WDR44: variants seen among roughly 807,000 people sequenced by gnomAD.
WDR44 encodes the protein WD repeat-containing protein 44.
WDR44 carries 9 observed loss-of-function variants against 65.7 expected under a neutral mutation model. The ratio of observed to expected loss-of-function variants is 0.14; its 90% CI spans 0.08 to 0.24. The LOEUF is 0.24. Ranked by LOEUF, WDR44 falls within the 10% of genes least tolerant of loss-of-function variation. The pLI is 1.00. For missense variants in WDR44, 425 were observed against 670.9 expected (o/e 0.63, Z 4.05); for synonymous variants, 220 against 235.2 (o/e 0.94, Z 0.59).
At chrX:118,360,016 A>G (rs1167901131) in intron 1 of WDR44, among the ~76,000 whole-genome samples, 1 of 112,025 alleles carries the variant, frequency 8.9e-6, no homozygotes, top group Non-Finnish European at 1.9e-5. Context: ...ATTGCCTAGC[A>G]CTTATTTTTT....
At chrX:118,367,027 G>A (rs1001798008) in intron 1 of WDR44, among the ~76,000 whole-genome samples, 10 of 109,800 alleles carry the variant, frequency 9.1e-5, no homozygotes, top group Non-Finnish European at 1.7e-4. Context: ...CGGAGCTTGC[G>A]GTAAGCCGAG....
intron 2 of WDR44, among the ~76,000 whole-genome samples, chrX:118,383,878 C>CTTTTTT (rs549809406): frequency 1.4e-5 from 1 of 69,840 alleles, no homozygotes; most frequent in Non-Finnish European, 2.6e-5. Flanking sequence ...TTTTTAATTT[C>CTTTTTT]TTTTTTTTTT....
chrX:118,379,502 C>T (rs1229535819), intron 2 of WDR44, among the ~76,000 whole-genome samples: 5 of 111,365 alleles, frequency 4.5e-5, no homozygotes, highest in Non-Finnish European at 9.4e-5. Flanking sequence ...AAAACATATA[C>T]AGTAACGTTT....
intron 14 of WDR44, among the ~76,000 whole-genome samples, chrX:118,437,260 T>C (rs891957300): frequency 8.9e-6 from 1 of 111,987 alleles, no homozygotes; most frequent in African/African-American, 3.2e-5. Flanking sequence ...ATTGTTAGTC[T>C]TGATATCCCT....
intron 7 of WDR44, among the ~76,000 whole-genome samples, chrX:118,398,054 T>C (rs1420891415): frequency 1.8e-5 from 2 of 110,982 alleles, no homozygotes; most frequent in Non-Finnish European, 1.9e-5. Context: ...CTGGGCAACA[T>C]GGTGAAACCC....
At chrX:118,351,755 G>T (rs1253722273) in intron 1 of WDR44, among the ~76,000 whole-genome samples, 1 of 110,556 alleles carries the variant, frequency 9.0e-6, no homozygotes, top group African/African-American at 3.3e-5. Context: ...TTCGAGACCA[G>T]CCTGGCCAAC....
intron 1 of WDR44, among the ~76,000 whole-genome samples, chrX:118,357,653 A>G (rs2056472855): frequency 9.1e-6 from 1 of 110,439 alleles, no homozygotes; most frequent in Non-Finnish European, 1.9e-5. Flanking sequence ...AGGTTGAAGC[A>G]GGAAGACCCT....
At position 118,409,517 on chromosome X, in the gene WDR44, A is replaced by G. The variant is rs2056995413; in HGVS notation, c.1562A>G (p.His521Arg). 4.1e-6 allele frequency: 5 copies of G among 1,208,336 alleles called. No individual in the cohort carries two copies. Among genetic ancestry groups the G allele is most frequent in the Non-Finnish European group, 5.6e-6 (5 of 894,590 alleles). ...GCTGTTTGGACCATGAAATTTTCTC[A>G]CTGTGGCCGATTACTTGCCTCAGCT... ...MGAVWTMKFS[H>R]CGRLLASAGQ... Residue 521 changes from histidine (H) to arginine (R), a missense_variant, in exon 11 of 20, where the codon CAC becomes CGC. By Grantham distance (29) the His-to-Arg change is conservative. Coordinates refer to ENST00000254029, the MANE Select transcript of WDR44 (RefSeq NM_019045.5).
chrX:118,366,240 T>C (rs1199857108), intron 1 of WDR44, among the ~76,000 whole-genome samples: 1 of 111,888 alleles, frequency 8.9e-6, no homozygotes, highest in Non-Finnish European at 1.9e-5. Context: ...ACCTGCACTT[T>C]ATATTTGTTG....
rs769139673 is a variant in WDR44, at chrX:118,406,872, C to T, written c.1382-3C>T. 1 of 1,194,338 alleles carries T rather than the reference C, an allele frequency of 8.4e-7. No individual in the cohort carries two copies. Among genetic ancestry groups the T allele is most frequent in the South Asian group, 1.9e-5 (1 of 53,699 alleles). ...TAGTGATTTCTGTTGCTTTTCTGTT[C>T]AGTGTTTCATACTGATCAAGATGAT... On this transcript the variant is annotated splice_polypyrimidine_tract_variant and splice_region_variant and intron_variant, in intron 9 of 19. Coordinates refer to ENST00000254029, the MANE Select transcript of WDR44 (RefSeq NM_019045.5).
intron 12 of WDR44, among the ~76,000 whole-genome samples, chrX:118,432,505 A>G (rs113223896): frequency 1.6e-3 from 183 of 111,738 alleles, no homozygotes; most frequent in African/African-American, 5.1e-3. Context: ...ACTGGCCGTC[A>G]CCTCTCCTGA....
At chrX:118,378,374 C>T (rs777962844) in intron 1 of WDR44, 45 bp from the exon 2 acceptor site, 3 of 1,110,263 alleles carry the variant, frequency 2.7e-6, no homozygotes, top group Non-Finnish European at 3.7e-6. Context: ...TATTTGTCTT[C>T]TCATCTCCTC....
chrX:118,375,897 T>A (rs1602886868), intron 1 of WDR44, among the ~76,000 whole-genome samples: 1 of 112,399 alleles, frequency 8.9e-6, no homozygotes, highest in South Asian at 3.6e-4. Flanking sequence ...TCTTTGTATC[T>A]CTAGTCTTGG....
At chrX:118,361,058 G>A (rs1003882136) in intron 1 of WDR44, among the ~76,000 whole-genome samples, 1 of 111,393 alleles carries the variant, frequency 9.0e-6, no homozygotes, top group Non-Finnish European at 1.9e-5. Context: ...AAAATAAAAA[G>A]AGACCTTGTT....
chrX:118,370,532 G>A lies in WDR44; in HGVS notation c.78-7887G>A, dbSNP rs191543980. Among the ~76,000 whole-genome samples, 299 of 110,700 alleles carry A rather than the reference G, an allele frequency of 2.7e-3. 2 individuals carry two copies. The highest frequency in any genetic ancestry group is 9.5e-3 in the African/African-American group (290 of 30,455). The stretch of plus-strand genomic sequence containing the variant: ...CTTCCTGAGGCCCTCACCGGGAGCA[G>A]ATGCTGGTACCATTCTTCTTGTACA... On this transcript the variant is annotated intron_variant, in intron 1 of 19. Transcript: ENST00000254029.
chrX:118,378,179 C>T (rs1359425642), intron 1 of WDR44, among the ~76,000 whole-genome samples: 1 of 111,723 alleles, frequency 9.0e-6, no homozygotes, highest in African/African-American at 3.3e-5. Context: ...TCTTGAACTC[C>T]TGACCTCAGG....
At chrX:118,427,521 C>T (rs1208520391) in intron 12 of WDR44, among the ~76,000 whole-genome samples, 2 of 108,912 alleles carry the variant, frequency 1.8e-5, no homozygotes, top group Non-Finnish European at 3.8e-5. Context: ...CTGCCCTCCT[C>T]GGCCTCCCAA....
intron 12 of WDR44, among the ~76,000 whole-genome samples, chrX:118,423,003 A>C (rs990263151): frequency 2.4e-4 from 27 of 111,693 alleles, no homozygotes; most frequent in Non-Finnish European, 7.5e-5. Flanking sequence ...CATTCACTCT[A>C]GAGATATTTA....
At chrX:118,399,629 A>G (rs1448988948) in intron 8 of WDR44, among the ~76,000 whole-genome samples, 1 of 111,890 alleles carries the variant, frequency 8.9e-6, no homozygotes, top group African/African-American at 3.2e-5. Context: ...TTTCTAAGAG[A>G]AAAGTTCCTC....
Sources: allele counts gnomAD v4.1 joint callset (sites outside exome capture counted in the v4.1 genomes callset), GRCh38; gene constraint gnomAD v4.1.1; transcripts MANE v1.5; gene names NCBI Gene and HGNC (gene_info 2026-07-23, HGNC 2026-07-21).